The following DYNC2I2 variants were observed in gnomAD, a reference collection of about 807,000 sequenced individuals.
DYNC2I2 encodes the protein dynein 2 intermediate chain 2, also known as cytoplasmic dynein 2 intermediate chain 2.
DYNC2I2 carries 39 observed loss-of-function variants against 52.0 expected under a neutral mutation model. That is an observed-to-expected ratio of 0.75 (90% CI 0.58 to 0.98). The LOEUF (loss-of-function observed/expected upper bound fraction) is 0.98. DYNC2I2 is among the 50% of genes least tolerant of loss of function. The pLI is 0.00. For synonymous variants in DYNC2I2, 359 were observed against 321.1 expected (o/e 1.12, Z -1.26); for missense variants, 743 against 728.4 (o/e 1.02, Z -0.23).
rs146562225 is a variant in DYNC2I2, at chr9:128,634,235, A to G, written c.1363T>C (p.Ser455Pro). 71 of 1,613,592 alleles carry G rather than the reference A, an allele frequency of 4.4e-5. No individual in the cohort carries two copies. In the African/African-American group the frequency reaches 7.2e-4, roughly 16 times the overall value. Residue 455 changes from serine to proline, a missense_variant, in exon 8 of 9, where the codon TCT becomes CCT. Ser to Pro is a moderately conservative substitution (Grantham distance 74). Transcript: ENST00000372715. ...AGCGGCCCCTTCCTACCTTTCCCAG[A>G]GGCAGCTGCAAAAACCAAGGGCCGC... Reference protein sequence around the residue: ...PVRPLVFAAASGKGDVQLFDL... With the variant: ...PVRPLVFAAAPGKGDVQLFDL...
At chr9:128,637,484 C>T (rs1296951841) in intron 2 of DYNC2I2, among the ~76,000 whole-genome samples, 1 of 152,148 alleles carries the variant, frequency 6.6e-6, no homozygotes, top group African/African-American at 2.4e-5. Flanking sequence ...ACTCTGTGGC[C>T]CAGGCTGGAG....
At chr9:128,681,547 A>G in the DYNC2I2 span, among the ~76,000 whole-genome samples, 7 of 152,144 alleles carry the variant, frequency 4.6e-5, no homozygotes, top group African/African-American at 1.2e-4. Flanking sequence ...TGCTGTGAAC[A>G]TTGGTGCACG....
chr9:128,678,651 G>T, the DYNC2I2 span, among the ~76,000 whole-genome samples: 5 of 151,148 alleles, frequency 3.3e-5, no homozygotes, highest in South Asian at 1.0e-3. Flanking sequence ...TAGTAGAGAT[G>T]GGGTTTCACC....
At position 128,635,666 on chromosome 9, in the gene DYNC2I2, C is replaced by A. The variant is rs368559454; in HGVS notation, c.805G>T (p.Val269Leu). The part of the protein sequence containing the change: ...GLTDDTHTDP[V>L]SQVVWLPEPG... ...GCAGCCCCTGCCCTGACCTGGGACA[C>A]AGGGTCTGTGTGGGTGTCATCCGTC... The change falls in exon 5 of 9, where the codon GTG (valine) becomes TTG (leucine). Residue 269 changes from valine (V) to leucine (L), a missense_variant. Transcript: ENST00000372715. 1 of 1,607,032 alleles carries A rather than the reference C, an allele frequency of 6.2e-7. No individual in the cohort carries two copies. The highest frequency in any genetic ancestry group is 1.7e-5 in the Admixed American group (1 of 59,354).
upstream of DYNC2I2, among the ~76,000 whole-genome samples, chr9:128,658,998 T>G (rs1208129910): frequency 2.6e-5 from 4 of 151,844 alleles, no homozygotes; most frequent in Non-Finnish European, 5.9e-5. Flanking sequence ...CCCAAAGTGC[T>G]GGGAATACAG....
upstream of DYNC2I2, among the ~76,000 whole-genome samples, chr9:128,657,456 G>A (rs910396740): frequency 6.6e-6 from 1 of 151,008 alleles, no homozygotes; most frequent in African/African-American, 2.4e-5. Flanking sequence ...GCGCCCCACC[G>A]GAATTAAAAA....
chr9:128,656,568 C>A lies in DYNC2I2; in HGVS notation c.159G>T (p.Arg53Ser). 3 of 1,477,524 alleles carry A rather than the reference C, an allele frequency of 2.0e-6. No individual in the cohort carries two copies. Among genetic ancestry groups the A allele is most frequent in the South Asian group, 2.6e-5 (2 of 78,224 alleles). 91.5% of individuals were successfully genotyped at this position (1,477,524 alleles called of 1,614,324 possible). The change falls in exon 1 of 9, where the codon AGG becomes AGT. Residue 53 changes from arginine (R) to serine (S), a missense_variant. Coordinates refer to ENST00000372715, the MANE Select transcript of DYNC2I2 (RefSeq NM_052844.4). ...LGVASVPSQW[R>S]AVQGIRWETK... ...TCTCCCAGCGGATGCCCTGGACGGCCCTCCACTGCGAGGGCACGGACGCCA... is the reference window on the plus strand; with the variant it reads ...TCTCCCAGCGGATGCCCTGGACGGCACTCCACTGCGAGGGCACGGACGCCA...
At chr9:128,679,884 TG>T in the DYNC2I2 span, among the ~76,000 whole-genome samples, 1 of 152,044 alleles carries the variant, frequency 6.6e-6, no homozygotes, top group East Asian at 1.9e-4. Flanking sequence ...ATATAAAATC[TG>T]GCAAACCTAA....
chr9:128,675,075 G>C, the DYNC2I2 span, among the ~76,000 whole-genome samples: 1 of 152,160 alleles, frequency 6.6e-6, no homozygotes, highest in Non-Finnish European at 1.5e-5. Flanking sequence ...CTAAGGCTAT[G>C]TTGGTATAGG....
At chr9:128,680,549 T>G in the DYNC2I2 span, among the ~76,000 whole-genome samples, 3 of 150,960 alleles carry the variant, frequency 2.0e-5, no homozygotes, top group East Asian at 5.9e-4. Flanking sequence ...GGCTAATTTT[T>G]TGTATTTTTA....
Position 128,635,701 on chromosome 9 carries a change from C to T in DYNC2I2, c.770G>A (p.Arg257His), listed in dbSNP as rs373813179. The change falls in exon 5 of 9, where the codon CGC (arginine) becomes CAC (histidine). Residue 257 changes from arginine to histidine, a missense_variant. Transcript: ENST00000372715. ...LSRLEDPLLW[R>H]TGLTDDTHTD... ...GTGGGTGTCATCCGTCAGGCCTGTG[C>T]GCCACAGCAGCGGGTCCTCAAGACG... is the stretch of plus-strand genomic sequence containing the variant. The T allele has an allele frequency of 1.2e-5, 19 of 1,612,464 alleles. No individual in the cohort carries two copies. The highest frequency in any genetic ancestry group is 6.7e-5 in the East Asian group (3 of 44,856).
the DYNC2I2 span, among the ~76,000 whole-genome samples, chr9:128,671,801 G>A: frequency 1.2e-4 from 16 of 136,998 alleles, no homozygotes; most frequent in South Asian, 1.2e-3. Flanking sequence ...ACAGGTGCCC[G>A]CCACCATGCC....
At chr9:128,684,141 A>C in the DYNC2I2 span, 6 of 691,804 alleles carry the variant, frequency 8.7e-6, no homozygotes, top group South Asian at 1.1e-4. Context: ...GGGATGGTGG[A>C]TTAAGTTTGC....
upstream of DYNC2I2, among the ~76,000 whole-genome samples, chr9:128,659,442 C>G (rs1186508156): frequency 2.1e-5 from 3 of 145,520 alleles, no homozygotes; most frequent in African/African-American, 7.6e-5. Context: ...TTGCGGTGAG[C>G]AGAGATCGCA....
the DYNC2I2 span, among the ~76,000 whole-genome samples, chr9:128,671,479 T>G: frequency 6.9e-6 from 1 of 144,136 alleles, no homozygotes; most frequent in Admixed American, 6.9e-5. Context: ...TCTTTTTTTT[T>G]TTTTTTTTTT....
intron 1 of DYNC2I2, among the ~76,000 whole-genome samples, chr9:128,646,561 G>T (rs975121096): frequency 6.6e-6 from 1 of 152,236 alleles, no homozygotes; most frequent in African/African-American, 2.4e-5. Context: ...ATGTGAACTA[G>T]AAAGAAGTCA....
chr9:128,648,466 A>ACCAAGCCAGGCCCCG (rs1860659253), intron 1 of DYNC2I2, among the ~76,000 whole-genome samples: 1 of 151,732 alleles, frequency 6.6e-6, no homozygotes, highest in Non-Finnish European at 1.5e-5. Context: ...GCCGGGCCCG[A>ACCAAGCCAGGCCCCG]CCAAGCCAGG....
chr9:128,658,573 T>C (rs540638239), upstream of DYNC2I2, among the ~76,000 whole-genome samples: 1 of 151,948 alleles, frequency 6.6e-6, no homozygotes, highest in South Asian at 2.1e-4. Context: ...GTGATTCTCC[T>C]GCCTCAGCCT....
intron 1 of DYNC2I2, among the ~76,000 whole-genome samples, chr9:128,642,949 A>G (rs1249597369): frequency 6.6e-6 from 1 of 152,038 alleles, no homozygotes; most frequent in African/African-American, 2.4e-5. Context: ...AAGGAAGGAA[A>G]CAGCAAGGGA....
Sources: gnomAD v4.1 joint callset for allele counts (sites outside exome capture counted in the v4.1 genomes callset) on GRCh38, gnomAD v4.1.1 for gene constraint, MANE v1.5 for transcripts, NCBI Gene and HGNC (gene_info 2026-07-23, HGNC 2026-07-21) for gene names.